Variants in ATXN10 observed in about 807,000 individuals in gnomAD.
ATXN10 encodes the protein ataxin 10, also known as ataxin-10.
ATXN10 carries 28 observed loss-of-function variants against 52.9 expected under a neutral mutation model. The ratio of observed to expected loss-of-function variants is 0.53; its 90% confidence interval spans 0.39 to 0.73. The LOEUF (loss-of-function observed/expected upper bound fraction) is 0.73. Among genes scored for constraint, ATXN10 ranks in the 30% least tolerant of loss-of-function variants. The pLI is 0.00. For synonymous variants in ATXN10, 226 were observed against 221.5 expected, an observed-to-expected ratio of 1.02 and a Z score of -0.18; for missense variants, 565 against 577.0, an observed-to-expected ratio of 0.98 and a Z score of 0.21.
chr22:45,752,084 T>G (rs1377062966), intron 9 of ATXN10, among the ~76,000 whole-genome samples: 1 of 152,206 alleles, frequency 6.6e-6, no homozygotes, highest in East Asian at 1.9e-4. Flanking sequence ...AATTCAAACC[T>G]ACTGCTATAT....
In ATXN10 at chr22:45,672,034, G is replaced by C. The variant is rs1346054550; in HGVS notation, c.-30G>C. 2.0e-6 allele frequency: 3 copies of C among 1,530,638 alleles called. No homozygotes were observed. Among genetic ancestry groups the C allele is most frequent in the African/African-American group, 1.4e-5 (1 of 72,494 alleles). The allele number at this position is 1,530,638 out of a possible 1,614,324, so 94.8% of individuals were successfully genotyped here. On this transcript the variant is annotated 5_prime_UTR_variant, in exon 1 of 12. Coordinates refer to ENST00000252934, the MANE Select transcript of ATXN10 (RefSeq NM_013236.4). ...CGTCCTCCTCGCCTTCCTCCTCCTC[G>C]TCAGGCTCGACCCAGCTGTGAGCGG...
chr22:45,798,819 AAATT>A (rs1200528544), intron 9 of ATXN10, among the ~76,000 whole-genome samples: 2 of 152,234 alleles, frequency 1.3e-5, no homozygotes, highest in Admixed American at 6.5e-5. Context: ...ATGTAAATGA[AAATT>A]AATTATATAA....
Position 45,702,865 on chromosome 22 carries a change from A to C in ATXN10, c.647+18A>C, listed in dbSNP as rs1601596658. ...GAATGGCCGTAAGTATCTTGTTAGAAATTTGATTGCTTTGGGGCATCCTGA... is the reference window on the plus strand; with the variant it reads ...GAATGGCCGTAAGTATCTTGTTAGACATTTGATTGCTTTGGGGCATCCTGA... On this transcript the variant is annotated intron_variant, in intron 5 of 11. Coordinates refer to ENST00000252934, the MANE Select transcript of ATXN10 (RefSeq NM_013236.4). 8 of 1,613,392 alleles carry C rather than the reference A, an allele frequency of 5.0e-6. No homozygotes were observed. The East Asian group carries it at 1.8e-4, about 36-fold the overall frequency.
At chr22:45,689,503 AAT>A (rs1463771453) in intron 1 of ATXN10, 1 of 594,874 alleles carries the variant, frequency 1.7e-6, no homozygotes, top group Non-Finnish European at 3.0e-6. Context: ...AGACTGAGAT[AAT>A]ACATGAGAAG....
intron 5 of ATXN10, among the ~76,000 whole-genome samples, chr22:45,716,498 A>G (rs1924452140): frequency 6.6e-6 from 1 of 151,248 alleles, no homozygotes; most frequent in Non-Finnish European, 1.5e-5. Context: ...ACCACATCCA[A>G]CTATTTTTTT....
chr22:45,746,187 C>T (rs1377360679), intron 9 of ATXN10, among the ~76,000 whole-genome samples: 1 of 151,534 alleles, frequency 6.6e-6, no homozygotes, highest in African/African-American at 2.4e-5. Context: ...AAATTTAAGA[C>T]TGAATTTACA....
At chr22:45,697,770 A>G (rs542831612) in intron 3 of ATXN10, among the ~76,000 whole-genome samples, 8 of 152,268 alleles carry the variant, frequency 5.3e-5, no homozygotes, top group African/African-American at 1.4e-4. Context: ...AGCTGGGACT[A>G]CAGGCGCCCG....
chr22:45,702,857 T>C lies in ATXN10; in HGVS notation c.647+10T>C. ...CTGAATCAGAATGGCCGTAAGTATCTTGTTAGAAATTTGATTGCTTTGGGG... is the reference window on the plus strand; with the variant it reads ...CTGAATCAGAATGGCCGTAAGTATCCTGTTAGAAATTTGATTGCTTTGGGG... On this transcript the variant is annotated intron_variant, in intron 5 of 11. Coordinates refer to ENST00000252934, the MANE Select transcript of ATXN10 (RefSeq NM_013236.4). The C allele has an allele frequency of 1.2e-6, 2 of 1,613,520 alleles. No individual in the cohort carries two copies. The highest frequency in any genetic ancestry group is 1.3e-5 in the African/African-American group (1 of 75,050).
chr22:45,675,352 T>G (rs562195375), intron 1 of ATXN10: 8 of 152,370 alleles, frequency 5.3e-5, no homozygotes, highest in Admixed American at 5.2e-4. Context: ...TCTGACCTTC[T>G]CAAGAGGAGG....
chr22:45,740,754 G>GTATATA (rs144019432), intron 9 of ATXN10: 1 of 286,154 alleles, frequency 3.5e-6, no homozygotes, highest in East Asian at 6.9e-5. Flanking sequence ...GTGTGTGTGT[G>GTATATA]TATATATATA....
intron 3 of ATXN10, among the ~76,000 whole-genome samples, chr22:45,697,154 A>C (rs949025505): frequency 6.6e-6 from 1 of 151,854 alleles, no homozygotes; most frequent in Non-Finnish European, 1.5e-5. Flanking sequence ...TTTTTTTTTG[A>C]GACGGAGTTT....
intron 1 of ATXN10, 133 bp from the exon 2 acceptor site, chr22:45,689,579 G>T (rs1018192773): frequency 9.0e-6 from 6 of 667,194 alleles, no homozygotes; most frequent in African/African-American, 4.0e-5. Flanking sequence ...ATTTGGTGTT[G>T]TAAATTAAGG....
chr22:45,739,295 C>G (rs1925419467), intron 8 of ATXN10, among the ~76,000 whole-genome samples: 1 of 152,098 alleles, frequency 6.6e-6, no homozygotes, highest in South Asian at 2.1e-4. Flanking sequence ...AGGTTTTAAA[C>G]AAGAAACCAT....
intron 9 of ATXN10, among the ~76,000 whole-genome samples, chr22:45,797,882 T>C (rs1237605401): frequency 6.6e-6 from 1 of 152,116 alleles, no homozygotes; most frequent in East Asian, 1.9e-4. Flanking sequence ...ATTATAGATA[T>C]TACAGACATT....
At position 45,701,810 on chromosome 22, in the gene ATXN10, A is replaced by G. The variant is rs1383654451; in HGVS notation, c.489-879A>G. Among the ~76,000 whole-genome samples the G allele has an allele frequency of 2.0e-5, 3 of 152,238 alleles. No homozygotes were observed. The highest frequency in any genetic ancestry group is 4.8e-5 in the African/African-American group (2 of 41,456). On this transcript the variant is annotated intron_variant, in intron 4 of 11. Transcript: ENST00000252934. The surrounding 1 kb of genome is among the most constrained non-coding windows in gnomAD (Gnocchi z 4.2). ...TTAGGGCAAATCCAGGGTGTAATAG[A>G]AAAACAAGGGAGAGGCTTAAGTGTA...
In ATXN10 at chr22:45,754,175, G is replaced by A. The variant is rs2098641877; in HGVS notation, c.1173+13637G>A. On this transcript the variant is annotated intron_variant, in intron 9 of 11. Coordinates refer to ENST00000252934, the MANE Select transcript of ATXN10 (RefSeq NM_013236.4). The surrounding 1 kb of genome is among the most constrained non-coding windows in gnomAD (Gnocchi z 5.4). ...CAGGAGCTGCTGAGAGACGACCCAC[G>A]GAGGTGGGCTCCAGCAGCTTGGCAC... Among the ~76,000 whole-genome samples the A allele has an allele frequency of 1.3e-5, 2 of 152,246 alleles. No individual in the cohort carries two copies. Among genetic ancestry groups the A allele is most frequent in the South Asian group, 4.1e-4 (2 of 4,832 alleles).
chr22:45,699,557 C>T (rs1601594996), intron 3 of ATXN10, among the ~76,000 whole-genome samples: 1 of 119,280 alleles, frequency 8.4e-6, no homozygotes, highest in African/African-American at 3.3e-5. Context: ...GTGGCTTAAT[C>T]TTGGCTCACT....
In ATXN10 at chr22:45,819,670, TG is replaced by T. The variant is rs1928585325; in HGVS notation, c.1237+12649del. On this transcript the variant is annotated intron_variant, in intron 10 of 11. Coordinates refer to ENST00000252934, the MANE Select transcript of ATXN10 (RefSeq NM_013236.4). This position sits in a 1 kb window ranked among gnomAD's most constrained non-coding sequence, Gnocchi z 4.5. The stretch of plus-strand genomic sequence containing the variant: ...ACTGCCTGTGCATGAAGTGCTGAGA[TG>T]AGTTCTTGGCCTGTGGTCTGTGCTT... 6.6e-6 allele frequency among the ~76,000 whole-genome samples: 1 copy of T among 152,226 alleles called. No individual in the cohort carries two copies. The highest frequency in any genetic ancestry group is 1.5e-5 in the Non-Finnish European group (1 of 68,040).
At position 45,677,783 on chromosome 22, in the gene ATXN10, A is replaced by G. The variant is rs535296719; in HGVS notation, c.116+5604A>G. 7 of 152,316 alleles carry G rather than the reference A, an allele frequency of 4.6e-5. No homozygotes were observed. The East Asian group carries it at 7.7e-4, about 17-fold the overall frequency. The allele number at this position is 152,316 out of a possible 1,614,324, so 9.4% of individuals were successfully genotyped here. On this transcript the variant is annotated intron_variant, in intron 1 of 11. Coordinates refer to ENST00000252934, the MANE Select transcript of ATXN10 (RefSeq NM_013236.4). The surrounding 1 kb of genome is among the most constrained non-coding windows in gnomAD (Gnocchi z 4.1). ...GAGAGACTACTGCATGCCGTTTAGGATGGCTATTATCCAAAAAATGGAAAA... is the reference window on the plus strand; with the variant it reads ...GAGAGACTACTGCATGCCGTTTAGGGTGGCTATTATCCAAAAAATGGAAAA...
Sources: allele counts gnomAD v4.1 joint callset (sites outside exome capture counted in the v4.1 genomes callset), GRCh38; gene constraint gnomAD v4.1.1; non-coding constraint Gnocchi (gnomAD v3.1); transcripts MANE v1.5; gene names NCBI Gene and HGNC (gene_info 2026-07-23, HGNC 2026-07-21).